CNOT4: variants seen among roughly 807,000 people sequenced by gnomAD.
CNOT4 encodes CCR4-NOT transcription complex subunit 4.
CNOT4 carries 8 observed loss-of-function variants against 73.8 expected under a neutral mutation model. The observed-to-expected ratio is 0.11, with a 90% CI of 0.06 to 0.20. CNOT4 has a LOEUF of 0.20. Among genes scored for constraint, CNOT4 ranks in the 10% least tolerant of loss-of-function variants. The pLI is 1.00. For missense variants in CNOT4, 564 were observed against 883.4 expected (o/e 0.64, Z 4.58); for synonymous variants, 293 against 321.1 (o/e 0.91, Z 0.94).
chr7:135,478,028 T>C (rs1802106115), intron 1 of CNOT4, among the ~76,000 whole-genome samples: 1 of 152,144 alleles, frequency 6.6e-6, no homozygotes, highest in African/African-American at 2.4e-5. Context: ...TGTGGTGTTA[T>C]CTGTTTATAA....
chr7:135,403,349 A>C (rs1329476413), intron 7 of CNOT4, among the ~76,000 whole-genome samples: 1 of 152,238 alleles, frequency 6.6e-6, no homozygotes, highest in Non-Finnish European at 1.5e-5. Context: ...CAACAGGTAA[A>C]ACTTGCCTTT....
chr7:135,396,835 C>G lies in CNOT4; in HGVS notation c.880-952G>C, dbSNP rs537520032. On this transcript the variant is annotated intron_variant, in intron 8 of 11. Coordinates refer to ENST00000541284, the MANE Select transcript of CNOT4 (RefSeq NM_001190850.2). ...TGCTGCTGAAACTTGGCTCTTTTAC[C>G]AATAGGTAACATTAATCTAGAGATA... 1.8e-4 allele frequency among the ~76,000 whole-genome samples: 27 copies of G among 152,148 alleles called. 1 individual carries two copies. The South Asian group carries it at 5.0e-3, about 28-fold the overall frequency.
intron 1 of CNOT4, among the ~76,000 whole-genome samples, chr7:135,503,708 GC>G (rs1804157569): frequency 6.6e-6 from 1 of 152,128 alleles, no homozygotes; most frequent in South Asian, 2.1e-4. Flanking sequence ...AAAAATGTGT[GC>G]AGAAAGATTT....
At chr7:135,499,980 C>T (rs1803857190) in intron 1 of CNOT4, among the ~76,000 whole-genome samples, 1 of 152,110 alleles carries the variant, frequency 6.6e-6, no homozygotes, top group Admixed American at 6.6e-5. Flanking sequence ...ATATTTCTGT[C>T]ATATTACTAG....
At chr7:135,401,262 T>C (rs1036325395) in intron 7 of CNOT4, among the ~76,000 whole-genome samples, 4 of 152,184 alleles carry the variant, frequency 2.6e-5, no homozygotes, top group Admixed American at 2.6e-4. Context: ...TTCTTTTACT[T>C]TCAGCATCCA....
chr7:135,424,078 C>G (rs112655829), intron 2 of CNOT4, among the ~76,000 whole-genome samples: 1 of 107,700 alleles, frequency 9.3e-6, no homozygotes, highest in African/African-American at 3.1e-5. Context: ...CACACACACA[C>G]ACACACACAC....
At chr7:135,418,628 A>G (rs6976582) in intron 3 of CNOT4, among the ~76,000 whole-genome samples, 5,375 of 152,310 alleles carry the variant, frequency 0.035, 323 homozygotes, top group African/African-American at 0.12. Context: ...AAGACCACGG[A>G]CAAGTCACTC....
intron 2 of CNOT4, among the ~76,000 whole-genome samples, chr7:135,435,591 A>G (rs1249521199): frequency 1.3e-5 from 2 of 152,174 alleles, no homozygotes; most frequent in African/African-American, 2.4e-5. Flanking sequence ...TGATAGTTTT[A>G]AATGTCTTTC....
intron 10 of CNOT4, chr7:135,386,945 G>C: frequency 3.1e-6 from 1 of 322,366 alleles, no homozygotes; most frequent in Non-Finnish European, 4.5e-6. Flanking sequence ...GGCTTTGTAA[G>C]AAGATCCAGG....
intron 7 of CNOT4, among the ~76,000 whole-genome samples, chr7:135,401,264 C>T (rs980764143): frequency 1.3e-5 from 2 of 152,166 alleles, no homozygotes; most frequent in East Asian, 3.8e-4. Flanking sequence ...CTTTTACTTT[C>T]AGCATCCACC....
intron 1 of CNOT4, among the ~76,000 whole-genome samples, chr7:135,458,526 A>G (rs1268809357): frequency 6.6e-6 from 1 of 152,136 alleles, no homozygotes; most frequent in Non-Finnish European, 1.5e-5. Flanking sequence ...ACTGTTTGAT[A>G]GCATTTTACC....
intron 2 of CNOT4, among the ~76,000 whole-genome samples, chr7:135,437,793 T>C (rs1470791769): frequency 6.6e-6 from 1 of 152,198 alleles, no homozygotes; most frequent in Non-Finnish European, 1.5e-5. Flanking sequence ...ACATGTAATA[T>C]AAAATGTTTT....
chr7:135,416,666 G>C (rs1797891109), intron 3 of CNOT4, among the ~76,000 whole-genome samples: 2 of 152,186 alleles, frequency 1.3e-5, no homozygotes, highest in African/African-American at 4.8e-5. Context: ...TAAGATACCT[G>C]CTCCAAAGGG....
intron 10 of CNOT4, among the ~76,000 whole-genome samples, chr7:135,367,335 G>A (rs1794969321): frequency 6.6e-6 from 1 of 151,986 alleles, no homozygotes; most frequent in Admixed American, 6.5e-5. Context: ...TCTTTATACA[G>A]GACTTCACAC....
intron 10 of CNOT4, among the ~76,000 whole-genome samples, chr7:135,371,494 T>A (rs1251757075): frequency 6.6e-6 from 1 of 152,082 alleles, no homozygotes; most frequent in Non-Finnish European, 1.5e-5. Flanking sequence ...GGAAAGGGCA[T>A]CCCATAGAGA....
At chr7:135,466,352 T>C (rs1439015963) in intron 1 of CNOT4, among the ~76,000 whole-genome samples, 3 of 151,246 alleles carry the variant, frequency 2.0e-5, no homozygotes, top group Non-Finnish European at 4.4e-5. Flanking sequence ...CATGCACCTG[T>C]AATCCCAGCT....
At chr7:135,380,490 G>T (rs1487677765) in intron 10 of CNOT4, among the ~76,000 whole-genome samples, 1 of 152,126 alleles carries the variant, frequency 6.6e-6, no homozygotes, top group Non-Finnish European at 1.5e-5. Context: ...AAGATCACTG[G>T]GCCACATTTA....
chr7:135,406,808 C>T (rs1402282552), intron 7 of CNOT4, among the ~76,000 whole-genome samples: 2 of 152,142 alleles, frequency 1.3e-5, no homozygotes, highest in African/African-American at 4.8e-5. Flanking sequence ...GCTACCAAAA[C>T]AGTTATGAAT....
intron 1 of CNOT4, among the ~76,000 whole-genome samples, chr7:135,475,284 A>G (rs979643045): frequency 6.6e-6 from 1 of 152,204 alleles, no homozygotes; most frequent in African/African-American, 2.4e-5. Flanking sequence ...AACACAAAAG[A>G]AACGAAGATA....
Sources: gnomAD v4.1 joint callset for allele counts (sites outside exome capture counted in the v4.1 genomes callset) on GRCh38, gnomAD v4.1.1 for gene constraint, MANE v1.5 for transcripts, NCBI Gene and HGNC (gene_info 2026-07-23, HGNC 2026-07-21) for gene names.